Variants in MACROD2 observed in about 807,000 individuals in gnomAD.
MACROD2 encodes the protein mono-ADP ribosylhydrolase 2.
MACROD2 carries 36 observed loss-of-function variants against 70.4 expected under a neutral mutation model. The observed-to-expected ratio is 0.51, with a 90% CI of 0.39 to 0.68. MACROD2 has a LOEUF of 0.68. Among genes scored for constraint, MACROD2 ranks in the 30% least tolerant of loss-of-function variants. MACROD2 has a pLI of 0.00. For synonymous variants in MACROD2, 172 were observed against 178.8 expected (o/e 0.96, Z 0.30); for missense variants, 496 against 538.4 (o/e 0.92, Z 0.78).
chr20:15,262,215 C>T (rs2077255761), intron 6 of MACROD2, among the ~76,000 whole-genome samples: 1 of 151,916 alleles, frequency 6.6e-6, no homozygotes, highest in African/African-American at 2.4e-5. Context: ...CCTTCCTAGC[C>T]TCTGGTAACC....
intron 6 of MACROD2, among the ~76,000 whole-genome samples, chr20:15,343,539 C>G (rs777063887): frequency 2.0e-5 from 3 of 152,126 alleles, no homozygotes; most frequent in Non-Finnish European, 2.9e-5. Context: ...CAAACACTGA[C>G]CTGTCTTTAG....
intron 12 of MACROD2, among the ~76,000 whole-genome samples, chr20:15,951,306 GACAC>G (rs58032991): frequency 0.077 from 10,438 of 135,512 alleles, 441 homozygotes; most frequent in East Asian, 0.22. Flanking sequence ...TATTTATCTA[GACAC>G]ACACACACAC....
At chr20:14,667,555 C>T (rs1225768188) in intron 4 of MACROD2, among the ~76,000 whole-genome samples, 12 of 152,146 alleles carry the variant, frequency 7.9e-5, no homozygotes, top group Non-Finnish European at 7.3e-5. Flanking sequence ...GTGTTGGATG[C>T]GTGTGCTGTG....
chr20:14,880,392 G>T (rs2073597668), intron 5 of MACROD2, among the ~76,000 whole-genome samples: 1 of 152,180 alleles, frequency 6.6e-6, no homozygotes, highest in Admixed American at 6.5e-5. Flanking sequence ...TAATTGCCAT[G>T]AGTTAAAGCT....
chr20:15,062,905 C>T (rs1244125379), intron 5 of MACROD2, among the ~76,000 whole-genome samples: 1 of 152,178 alleles, frequency 6.6e-6, no homozygotes, highest in Non-Finnish European at 1.5e-5. Context: ...CCAGGGACAC[C>T]ATCAAGAGGA....
chr20:14,360,918 A>G (rs2083215064), intron 3 of MACROD2, among the ~76,000 whole-genome samples: 1 of 152,170 alleles, frequency 6.6e-6, no homozygotes, highest in African/African-American at 2.4e-5. Context: ...GGATTTGCAG[A>G]AGCAATTAAG....
chr20:14,284,131 C>A (rs1304494687), intron 3 of MACROD2, among the ~76,000 whole-genome samples: 1 of 152,152 alleles, frequency 6.6e-6, no homozygotes, highest in Admixed American at 6.6e-5. Flanking sequence ...TGCAAAATGG[C>A]AGTGTCTGTA....
chr20:14,004,609 C>A (rs1817206138), intron 2 of MACROD2, among the ~76,000 whole-genome samples: 1 of 151,886 alleles, frequency 6.6e-6, no homozygotes, highest in African/African-American at 2.4e-5. Flanking sequence ...ATTCAGTGCT[C>A]AGTTATTAAA....
chr20:15,734,751 A>G (rs1212386184), intron 8 of MACROD2, among the ~76,000 whole-genome samples: 1 of 152,174 alleles, frequency 6.6e-6, no homozygotes, highest in African/African-American at 2.4e-5. Flanking sequence ...AACTAATTGC[A>G]CAAACACACA....
chr20:15,066,085 G>A (rs1025979337), intron 5 of MACROD2, among the ~76,000 whole-genome samples: 1 of 151,732 alleles, frequency 6.6e-6, no homozygotes, highest in African/African-American at 2.4e-5. Context: ...GCTCCCAGAG[G>A]GGAAAGTGAA....
chr20:15,525,707 G>T (rs1445530830), intron 8 of MACROD2, among the ~76,000 whole-genome samples: 1 of 152,222 alleles, frequency 6.6e-6, no homozygotes, highest in Non-Finnish European at 1.5e-5. Flanking sequence ...GTGAAACTTT[G>T]TGTGTTTCTG....
In MACROD2 at chr20:15,779,261, T is replaced by G. The variant is rs146327876; in HGVS notation, c.646-83484T>G. Among the ~76,000 whole-genome samples the G allele has an allele frequency of 1.9e-3, 282 of 152,272 alleles. 3 individuals carry two copies. In the East Asian group the frequency reaches 0.019, roughly 10 times the overall value. ...TCTAAGAAGCTATTATCCCTTTATG[T>G]GCATTAGATCACAGAACAGCTACAT... On this transcript the variant is annotated intron_variant, in intron 8 of 17. Transcript: ENST00000684519.
chr20:15,492,662 C>T (rs1437240618), intron 7 of MACROD2, among the ~76,000 whole-genome samples: 1 of 152,200 alleles, frequency 6.6e-6, no homozygotes. Flanking sequence ...CCTTCTCACT[C>T]AGGACAATCA....
chr20:14,513,891 T>C (rs1313311535), intron 4 of MACROD2, among the ~76,000 whole-genome samples: 1 of 152,030 alleles, frequency 6.6e-6, no homozygotes, highest in African/African-American at 2.4e-5. Context: ...TTCTCCCCCT[T>C]TTCTTAAAAA....
At chr20:15,481,743 G>A (rs779695231) in intron 7 of MACROD2, among the ~76,000 whole-genome samples, 4 of 151,978 alleles carry the variant, frequency 2.6e-5, no homozygotes, top group Non-Finnish European at 4.4e-5. Flanking sequence ...TTTAATTTGG[G>A]TATAAACAAG....
intron 8 of MACROD2, among the ~76,000 whole-genome samples, chr20:15,632,912 T>G (rs1250130337): frequency 6.6e-6 from 1 of 151,582 alleles, no homozygotes; most frequent in Non-Finnish European, 1.5e-5. Context: ...GTTCCCTTCT[T>G]TCTCCCTTCC....
chr20:15,675,475 A>G lies in MACROD2; in HGVS notation c.645+175628A>G, dbSNP rs184533348. The stretch of plus-strand genomic sequence containing the variant: ...TCTGTGACACTAGAAAGCCAGCTAC[A>G]TTGAATTTTCAGAGTTCTTCAATGC... On this transcript the variant is annotated intron_variant, in intron 8 of 17. Transcript: ENST00000684519. Among the ~76,000 whole-genome samples the G allele has an allele frequency of 2.5e-3, 375 of 152,314 alleles. 1 individual carries two copies. The highest frequency in any genetic ancestry group is 8.6e-3 in the African/African-American group (359 of 41,580).
At chr20:14,441,479 A>G (rs1478642889) in intron 3 of MACROD2, among the ~76,000 whole-genome samples, 1 of 152,204 alleles carries the variant, frequency 6.6e-6, no homozygotes, top group African/African-American at 2.4e-5. Context: ...ACTGATATAC[A>G]TATGTAGGCC....
intron 7 of MACROD2, among the ~76,000 whole-genome samples, chr20:15,492,523 G>A (rs1428120790): frequency 1.3e-5 from 2 of 152,124 alleles, no homozygotes; most frequent in African/African-American, 4.8e-5. Context: ...GAACTTGTGT[G>A]CTAAGATGGA....
Sources: gnomAD v4.1 joint callset for allele counts (sites outside exome capture counted in the v4.1 genomes callset) on GRCh38, gnomAD v4.1.1 for gene constraint, MANE v1.5 for transcripts, NCBI Gene and HGNC (gene_info 2026-07-23, HGNC 2026-07-21) for gene names.